Variants in HS3ST4 observed in about 807,000 individuals in gnomAD.
The protein encoded by HS3ST4 is heparan sulfate glucosamine 3-O-sulfotransferase 4.
HS3ST4 carries 17 observed loss-of-function variants against 29.2 expected under a neutral mutation model. The observed-to-expected ratio is 0.58, with a 90% CI of 0.40 to 0.87. HS3ST4 has a LOEUF of 0.87. Among genes scored for constraint, HS3ST4 ranks in the 40% least tolerant of loss-of-function variants. The pLI is 0.00. For missense variants in HS3ST4, 627 were observed against 634.5 expected (o/e 0.99, Z 0.13); for synonymous variants, 314 against 285.7 (o/e 1.10, Z -1.00).
At chr16:26,113,508 G>GTGTGTGTT (rs1899162656) in intron 1 of HS3ST4, among the ~76,000 whole-genome samples, 2 of 149,216 alleles carry the variant, frequency 1.3e-5, no homozygotes, top group South Asian at 4.3e-4. Context: ...GTGTGTGTGT[G>GTGTGTGTT]TATGCAAGAG....
At chr16:26,109,529 G>A (rs1240672875) in intron 1 of HS3ST4, among the ~76,000 whole-genome samples, 1 of 152,094 alleles carries the variant, frequency 6.6e-6, no homozygotes, top group African/African-American at 2.4e-5. Flanking sequence ...CATGGCTGGG[G>A]AAGAAATGTT....
intron 1 of HS3ST4, among the ~76,000 whole-genome samples, chr16:25,921,513 G>C (rs1968353662): frequency 6.6e-6 from 1 of 152,190 alleles, no homozygotes; most frequent in African/African-American, 2.4e-5. Context: ...ACTAGGAGGG[G>C]AGAATGGTGA....
chr16:25,966,614 A>T (rs947624943), intron 1 of HS3ST4, among the ~76,000 whole-genome samples: 3 of 152,194 alleles, frequency 2.0e-5, no homozygotes, highest in Admixed American at 6.5e-5. Flanking sequence ...AAACAGGAAG[A>T]TGAGCATCTG....
chr16:25,947,420 A>C (rs919836214), intron 1 of HS3ST4, among the ~76,000 whole-genome samples: 1 of 152,176 alleles, frequency 6.6e-6, no homozygotes, highest in Admixed American at 6.6e-5. Flanking sequence ...CACAACAAGC[A>C]TTCATTTTTC....
intron 1 of HS3ST4, among the ~76,000 whole-genome samples, chr16:25,730,043 A>G (rs1966560583): frequency 6.6e-6 from 1 of 152,184 alleles, no homozygotes; most frequent in African/African-American, 2.4e-5. Flanking sequence ...TGAGAGTTTT[A>G]TTTTATTTTG....
intron 1 of HS3ST4, among the ~76,000 whole-genome samples, chr16:25,745,149 G>T (rs1363102677): frequency 2.6e-5 from 4 of 152,134 alleles, no homozygotes; most frequent in Admixed American, 2.6e-4. Context: ...GCCTGGAAAA[G>T]ATAGTCTTTT....
intron 1 of HS3ST4, among the ~76,000 whole-genome samples, chr16:25,703,986 A>G (rs766715386): frequency 6.6e-6 from 1 of 152,192 alleles, no homozygotes; most frequent in African/African-American, 2.4e-5. Flanking sequence ...CCCCCTCACT[A>G]GAAGGTAAAC....
chr16:25,964,100 G>A (rs1026203595), intron 1 of HS3ST4, among the ~76,000 whole-genome samples: 1 of 151,870 alleles, frequency 6.6e-6, no homozygotes, highest in Non-Finnish European at 1.5e-5. Context: ...ACTTGAACCC[G>A]GGAAGAGGAG....
chr16:26,081,682 A>T (rs577487830), intron 1 of HS3ST4, among the ~76,000 whole-genome samples: 1 of 151,254 alleles, frequency 6.6e-6, no homozygotes, highest in East Asian at 2.0e-4. Flanking sequence ...AGAATGTTTT[A>T]GTTAGAGGAA....
chr16:25,732,006 A>T (rs1182792880), intron 1 of HS3ST4, among the ~76,000 whole-genome samples: 2 of 152,146 alleles, frequency 1.3e-5, no homozygotes, highest in African/African-American at 4.8e-5. Context: ...ACATTGCTGT[A>T]TTTCTGTTTG....
At chr16:25,919,777 A>T (rs1026448024) in intron 1 of HS3ST4, among the ~76,000 whole-genome samples, 19 of 152,238 alleles carry the variant, frequency 1.2e-4, no homozygotes, top group Middle Eastern at 3.2e-3. Context: ...TGAGAGGTGG[A>T]ATAAATGGGG....
intron 1 of HS3ST4, among the ~76,000 whole-genome samples, chr16:25,813,648 C>T (rs56200404): frequency 0.053 from 8,067 of 152,124 alleles, 337 homozygotes; most frequent in East Asian, 0.1. Context: ...TCAAGTGGTA[C>T]AACCACTTTG....
chr16:26,078,619 T>C (rs1898693090), intron 1 of HS3ST4, among the ~76,000 whole-genome samples: 1 of 152,192 alleles, frequency 6.6e-6, no homozygotes, highest in African/African-American at 2.4e-5. Context: ...AAAATTATTT[T>C]CAGCATTAAA....
At chr16:25,980,691 C>T (rs538807976) in intron 1 of HS3ST4, among the ~76,000 whole-genome samples, 11 of 152,280 alleles carry the variant, frequency 7.2e-5, no homozygotes, top group African/African-American at 2.4e-4. Flanking sequence ...CCTTAAAATG[C>T]ACCCAGATTT....
Position 26,051,880 on chromosome 16 carries a change from G to C in HS3ST4, c.735-83732G>C, listed in dbSNP as rs551437050. 3.6e-3 allele frequency among the ~76,000 whole-genome samples: 228 copies of C among 63,010 alleles called. 3 individuals carry two copies. Among genetic ancestry groups the C allele is most frequent in the African/African-American group, 0.011 (193 of 18,190 alleles). The allele number at this position is 63,010 out of a possible 152,430, so 41.3% of individuals were successfully genotyped here. A position where few individuals can be genotyped will look rare whatever the true frequency, so the allele number is the denominator to read the frequency against. On this transcript the variant is annotated intron_variant, in intron 1 of 1. Coordinates refer to ENST00000331351, the MANE Select transcript of HS3ST4 (RefSeq NM_006040.3). ...TTTCTCCTTCCCTGCCTCCCTCCCT[G>C]CCTCCCTCCCTCCCTCCCTCCCTCC...
chr16:25,819,982 G>A (rs1426783952), intron 1 of HS3ST4, among the ~76,000 whole-genome samples: 2 of 110,870 alleles, frequency 1.8e-5, no homozygotes, highest in Non-Finnish European at 3.3e-5. Context: ...CTGCACTCCA[G>A]CCTGGGTGAC....
chr16:26,096,632 C>A (rs1898929886), intron 1 of HS3ST4, among the ~76,000 whole-genome samples: 1 of 152,140 alleles, frequency 6.6e-6, no homozygotes, highest in Non-Finnish European at 1.5e-5. Context: ...ATCCCACAGC[C>A]ATTATCATAC....
intron 1 of HS3ST4, among the ~76,000 whole-genome samples, chr16:26,097,026 G>T (rs961775248): frequency 4.6e-5 from 7 of 152,216 alleles, no homozygotes; most frequent in Middle Eastern, 3.4e-3. Flanking sequence ...CAACTTACAA[G>T]GGATGTGAAG....
At chr16:26,031,910 A>G (rs1431923580) in intron 1 of HS3ST4, among the ~76,000 whole-genome samples, 1 of 152,242 alleles carries the variant, frequency 6.6e-6, no homozygotes, top group Non-Finnish European at 1.5e-5. Flanking sequence ...TGAACAGGGA[A>G]AGTTTAGAGT....
Sources: gnomAD v4.1 joint callset for allele counts (sites outside exome capture counted in the v4.1 genomes callset) on GRCh38, gnomAD v4.1.1 for gene constraint, MANE v1.5 for transcripts, NCBI Gene and HGNC (gene_info 2026-07-23, HGNC 2026-07-21) for gene names.